Variants in REEP5 observed in about 807,000 individuals in gnomAD.
REEP5 encodes the protein receptor expression-enhancing protein 5.
Under a neutral mutation model 22.4 loss-of-function variants are expected in REEP5, and 24 were observed. The ratio of observed to expected loss-of-function variants is 1.07; its 90% CI spans 0.78 to 1.51. The LOEUF (loss-of-function observed/expected upper bound fraction) is 1.51. REEP5 is among the 40% of genes most tolerant of loss of function. REEP5 has a pLI of 0.00. For synonymous variants in REEP5, 103 were observed against 88.6 expected, an observed-to-expected ratio of 1.16 and a Z score of -0.92; for missense variants, 252 against 233.0, an observed-to-expected ratio of 1.08 and a Z score of -0.53.
At chr5:112,883,554 G>A (rs773503521) in intron 4 of REEP5, among the ~76,000 whole-genome samples, 12 of 152,192 alleles carry the variant, frequency 7.9e-5, no homozygotes, top group East Asian at 5.8e-4. Context: ...ACTCCCCAGC[G>A]TTCAGTCTTT....
intron 1 of REEP5, chr5:112,921,768 C>T (rs538426698): frequency 5.7e-5 from 16 of 278,712 alleles, no homozygotes; most frequent in African/African-American, 3.6e-4. Context: ...GCGCCCACCG[C>T]GCAGGACAGC....
chr5:112,899,985 C>T (rs1768805525), intron 3 of REEP5, among the ~76,000 whole-genome samples: 1 of 152,164 alleles, frequency 6.6e-6, no homozygotes, highest in African/African-American at 2.4e-5. Context: ...TTCAGATGTT[C>T]AGCCTGTACC....
intron 4 of REEP5, among the ~76,000 whole-genome samples, chr5:112,880,294 A>C (rs1222218214): frequency 6.6e-6 from 1 of 152,218 alleles, no homozygotes; most frequent in Non-Finnish European, 1.5e-5. Context: ...CAGGAGACCA[A>C]GCCTTCCACT....
chr5:112,885,599 C>T, intron 4 of REEP5: 1 of 276,774 alleles, frequency 3.6e-6, no homozygotes, highest in Non-Finnish European at 7.6e-6. Flanking sequence ...AACTTAGACC[C>T]ACTAGTGTTC....
Position 112,884,779 on chromosome 5 carries a change from G to GCC in REEP5, c.520+2234_520+2235dup, listed in dbSNP as rs35461707. Among the ~76,000 whole-genome samples the GCC allele has an allele frequency of 1.9e-4, 28 of 147,928 alleles. 1 individual carries two copies. Among genetic ancestry groups the GCC allele is most frequent in the East Asian group, 6.0e-4 (3 of 5,040 alleles). On this transcript the variant is annotated intron_variant, in intron 4 of 4. Coordinates refer to ENST00000379638, the MANE Select transcript of REEP5 (RefSeq NM_005669.5). ...ATCATAACCATCCCTCCAGTCCTTG[G>GCC]CCCCCCCCCATCTTTCTACTTGCTT...
intron 3 of REEP5, 132 bp downstream of exon 3, chr5:112,902,248 T>C (rs560464152): frequency 1.1e-6 from 1 of 948,344 alleles, no homozygotes; most frequent in Non-Finnish European, 1.5e-6. Flanking sequence ...AGAGTCTCGC[T>C]CTGTTGCCCA....
intron 2 of REEP5, among the ~76,000 whole-genome samples, chr5:112,913,857 A>C (rs1034163662): frequency 2.0e-5 from 3 of 152,286 alleles, no homozygotes; most frequent in South Asian, 2.1e-4. Context: ...TCACCCTAGC[A>C]GCTTAGTCTC....
chr5:112,913,098 G>A (rs1047170004), intron 2 of REEP5, among the ~76,000 whole-genome samples: 5 of 152,178 alleles, frequency 3.3e-5, no homozygotes, highest in African/African-American at 1.2e-4. Context: ...AAGGTCATGA[G>A]TTCAAGACCA....
At chr5:112,921,496 C>A in intron 1 of REEP5, 2 of 554,824 alleles carry the variant, frequency 3.6e-6, no homozygotes, top group Non-Finnish European at 6.5e-6. Flanking sequence ...CAGGGGGCCC[C>A]GGCGCTTTGC....
At chr5:112,901,166 ACAAT>A (rs1251549885) in intron 3 of REEP5, among the ~76,000 whole-genome samples, 2 of 152,150 alleles carry the variant, frequency 1.3e-5, no homozygotes, top group Admixed American at 6.5e-5. Flanking sequence ...GAAAAACAAC[ACAAT>A]CAACTACAAG....
At chr5:112,919,441 G>C (rs528426212) in intron 2 of REEP5, among the ~76,000 whole-genome samples, 3 of 152,092 alleles carry the variant, frequency 2.0e-5, no homozygotes, top group Non-Finnish European at 2.9e-5. Flanking sequence ...CCAGCTACTA[G>C]GGAGGCTGAG....
intron 2 of REEP5, among the ~76,000 whole-genome samples, chr5:112,914,134 C>A (rs1769180515): frequency 1.3e-5 from 2 of 150,988 alleles, no homozygotes; most frequent in East Asian, 4.0e-4. Flanking sequence ...AGAGTGAGAC[C>A]CTGTCTCAAA....
intron 2 of REEP5, among the ~76,000 whole-genome samples, chr5:112,913,873 C>T (rs564069490): frequency 2.6e-5 from 4 of 152,124 alleles, no homozygotes; most frequent in Non-Finnish European, 5.9e-5. Flanking sequence ...GTCTCTAAGA[C>T]CCCTTTTAGC....
rs375195281 is a variant in REEP5 at position 112,921,249 on chromosome 5, G to A, written c.126C>T (p.Ile42=). 3.7e-6 allele frequency: 6 copies of A among 1,613,970 alleles called. No homozygotes were observed. The highest frequency in any genetic ancestry group is 1.3e-5 in the African/African-American group (1 of 74,946). The stretch of plus-strand genomic sequence containing the variant: ...ACACCAGGTACAAGGCCACCAGTCC[G>A]ATGACACCTGGGGACCACAAGGAGA... The part of the protein sequence containing the change: ...VNRSFIALGV[I]GLVALYLVFG... The change falls in exon 2 of 5, where the codon ATC becomes ATT. Residue 42 remains isoleucine (I), a synonymous_variant. Coordinates refer to ENST00000379638, the MANE Select transcript of REEP5 (RefSeq NM_005669.5).
chr5:112,884,442 G>A (rs1768169397), intron 4 of REEP5, among the ~76,000 whole-genome samples: 2 of 151,078 alleles, frequency 1.3e-5, no homozygotes, highest in South Asian at 4.2e-4. Context: ...GGCTAGAGTG[G>A]CACAGCTCAC....
intron 2 of REEP5, among the ~76,000 whole-genome samples, chr5:112,920,879 GGAC>G (rs1017980675): frequency 6.6e-5 from 10 of 152,204 alleles, no homozygotes; most frequent in Non-Finnish European, 1.2e-4. Flanking sequence ...AGTAAAGGGA[GGAC>G]GACAGAGTGG....
intron 4 of REEP5, chr5:112,885,090 A>T (rs981869394): frequency 6.4e-6 from 1 of 157,476 alleles, no homozygotes; most frequent in African/African-American, 2.4e-5. Context: ...GCTGGCCGTC[A>T]GGGCCTCCAA....
At chr5:112,902,629 G>T in intron 2 of REEP5, 111 bp from the exon 3 acceptor site, 1 of 928,414 alleles carries the variant, frequency 1.1e-6, no homozygotes, top group Non-Finnish European at 1.6e-6. Context: ...TTAGGCACAT[G>T]TAGGCACTGT....
At chr5:112,915,461 T>A (rs1012707292) in intron 2 of REEP5, among the ~76,000 whole-genome samples, 1 of 152,244 alleles carries the variant, frequency 6.6e-6, no homozygotes, top group Non-Finnish European at 1.5e-5. Context: ...TACTTTTTCA[T>A]TTCTCCACAA....
Sources: allele counts gnomAD v4.1 joint callset (sites outside exome capture counted in the v4.1 genomes callset), GRCh38; gene constraint gnomAD v4.1.1; transcripts MANE v1.5; gene names NCBI Gene and HGNC (gene_info 2026-07-23, HGNC 2026-07-21).